Variants in MTIF2 observed in about 807,000 individuals in gnomAD.
MTIF2 encodes mitochondrial translational initiation factor 2.
MTIF2 carries 71 observed loss-of-function variants against 83.5 expected under a neutral mutation model. The ratio of observed to expected loss-of-function variants is 0.85; its 90% CI spans 0.70 to 1.04. The LOEUF (loss-of-function observed/expected upper bound fraction) is 1.04. MTIF2 is among the 50% of genes least tolerant of loss of function. The pLI is 0.00. For synonymous variants in MTIF2, 319 were observed against 287.1 expected (o/e 1.11, Z -1.12); for missense variants, 957 against 846.5 (o/e 1.13, Z -1.62).
intron 11 of MTIF2, 47 bp downstream of exon 11, chr2:55,243,982 A>T: frequency 7.0e-7 from 1 of 1,437,878 alleles, no homozygotes; most frequent in Non-Finnish European, 9.4e-7. Flanking sequence ...ACTGGCATTT[A>T]AAATCATTAT....
chr2:55,247,331 CG>C (rs1269146036), intron 9 of MTIF2, among the ~76,000 whole-genome samples: 3 of 152,152 alleles, frequency 2.0e-5, no homozygotes, highest in Non-Finnish European at 2.9e-5. Context: ...CTGAGACGGG[CG>C]GATCACTTGA....
chr2:55,261,092 T>C (rs2104449983), intron 5 of MTIF2, among the ~76,000 whole-genome samples: 1 of 152,014 alleles, frequency 6.6e-6, no homozygotes, highest in African/African-American at 2.4e-5. Flanking sequence ...GTTCACGCCA[T>C]TCTCCTGCCT....
At position 55,263,683 on chromosome 2, in the gene MTIF2, G is replaced by T. The variant is rs1056445; in HGVS notation, c.176C>A (p.Thr59Asn). The T allele has an allele frequency of 0.76, 1,220,247 of 1,613,574 alleles. 465,813 individuals carry two copies. Among genetic ancestry groups the T allele is most frequent in the Non-Finnish European group, 0.78 (923,539 of 1,179,724 alleles). Residue 59 changes from threonine to asparagine, a missense_variant, in exon 4 of 16, where the codon ACT becomes AAT. By Grantham distance (65) the Thr-to-Asn change is moderately conservative. Around this residue, in one of 3 missense-constraint regions of MTIF2, gnomAD observed 733 missense variants for 648.7 expected, o/e 1.13. Coordinates refer to ENST00000263629, the MANE Select transcript of MTIF2 (RefSeq NM_002453.3). ...CCTATACTGAGATAAAGCAGCCCCA[G>T]TGAGCACATCTGTTGGCCAGGGCCA... The part of the protein sequence containing the change: ...CAWPWPTDVL[T>N]GAALSQYRLL...
In MTIF2 at chr2:55,243,685, C is replaced by T. The variant is rs550666813; in HGVS notation, c.1312-17G>A. 7.6e-5 allele frequency: 122 copies of T among 1,605,664 alleles called. No individual in the cohort carries two copies. The highest frequency in any genetic ancestry group is 5.9e-4 in the African/African-American group (44 of 74,414). On this transcript the variant is annotated splice_polypyrimidine_tract_variant and intron_variant, in intron 11 of 15. Transcript: ENST00000263629. ...TGCCCTTGGCTTTATAGGGGAAAAA[C>T]GTATTATTTAATGAAATAGACATCA... is the stretch of plus-strand genomic sequence containing the variant.
At chr2:55,255,444 AAT>A (rs199595431) in intron 5 of MTIF2, among the ~76,000 whole-genome samples, 12,594 of 146,196 alleles carry the variant, frequency 0.086, 713 homozygotes, top group East Asian at 0.26. Context: ...TATTATGTAT[AAT>A]ATATATATAT....
In MTIF2 at chr2:55,242,837, G is replaced by T. The variant is rs1676424136; in HGVS notation, c.1705+103C>A. 3 of 1,158,592 alleles carry T rather than the reference G, an allele frequency of 2.6e-6. 1 individual carries two copies. In the South Asian group the frequency reaches 4.6e-5, roughly 18 times the overall value. 71.8% of individuals were successfully genotyped at this position (1,158,592 alleles called of 1,614,324 possible). ...TATAGCAGGAAGGGTGATGCTGATA[G>T]CAGTAAATGTCAGGTGTGACAAGCC... On this transcript the variant is annotated intron_variant, in intron 13 of 15. Coordinates refer to ENST00000263629, the MANE Select transcript of MTIF2 (RefSeq NM_002453.3).
intron 9 of MTIF2, among the ~76,000 whole-genome samples, chr2:55,246,979 T>G (rs146325493): frequency 6.6e-6 from 1 of 152,264 alleles, no homozygotes; most frequent in East Asian, 1.9e-4. Flanking sequence ...GAAAAAGCAC[T>G]AACTAGAGAT....
At chr2:55,249,634 T>C (rs184043266) in intron 8 of MTIF2, 100 bp from the exon 9 acceptor site, 84 of 1,418,218 alleles carry the variant, frequency 5.9e-5, no homozygotes, top group Non-Finnish European at 7.8e-5. Context: ...TTTCTCTTTA[T>C]TCAGTGGATG....
chr2:55,263,837 A>T lies in MTIF2; in HGVS notation c.22T>A (p.Leu8Met). MNQKLLK[L>M]ENLLRFHTIY... ...GTGTGAAATCGTAGCAAGTTCTCCA[A>T]CTTCAGTAGCTTCTGGTTCATGTTT... The change falls in exon 4 of 16, where the codon TTG becomes ATG. Residue 8 changes from leucine (L) to methionine (M), a missense_variant. Transcript: ENST00000263629. 1 of 1,613,676 alleles carries T rather than the reference A, an allele frequency of 6.2e-7. No individual in the cohort carries two copies. The highest frequency in any genetic ancestry group is 2.2e-5 in the East Asian group (1 of 44,884).
intron 10 of MTIF2, among the ~76,000 whole-genome samples, chr2:55,245,633 A>T (rs576046120): frequency 6.6e-6 from 1 of 152,332 alleles, no homozygotes; most frequent in East Asian, 1.9e-4. Flanking sequence ...CAGTTTCACA[A>T]GATAAAATAG....
chr2:55,243,139 A>C, intron 12 of MTIF2, 59 bp from the exon 13 acceptor site: 1 of 1,481,524 alleles, frequency 6.7e-7, no homozygotes. Flanking sequence ...AGCAGACATA[A>C]AAATGACAAT....
chr2:55,255,591 T>G (rs1677454035), intron 5 of MTIF2, among the ~76,000 whole-genome samples: 1 of 151,004 alleles, frequency 6.6e-6, no homozygotes, highest in Non-Finnish European at 1.5e-5. Context: ...GCATATTTTC[T>G]CTGTAAGGCA....
At chr2:55,267,300 G>A (rs916507163) in intron 3 of MTIF2, among the ~76,000 whole-genome samples, 1 of 151,936 alleles carries the variant, frequency 6.6e-6, no homozygotes, top group Non-Finnish European at 1.5e-5. Context: ...GGGATTACAG[G>A]TGCCTGCCAG....
chr2:55,252,424 G>T, intron 8 of MTIF2, 53 bp downstream of exon 8: 1 of 1,502,894 alleles, frequency 6.7e-7, no homozygotes, highest in Non-Finnish European at 9.2e-7. Context: ...TATGTAAATG[G>T]CCCCAGAACT....
intron 4 of MTIF2, 137 bp downstream of exon 4, chr2:55,263,503 A>T (rs1678190937): frequency 1.6e-6 from 1 of 631,204 alleles, no homozygotes; most frequent in African/African-American, 1.8e-5. Flanking sequence ...CCAGCTACTC[A>T]GGAGGCTGAG....
rs942024599 is a variant in MTIF2, at chr2:55,263,578, C to G, written c.219+62G>C. ...TGAGCTGAGATCGCGCCACGGCACTCCAGCCGGGGTGACAGGGTGAGACTC... is the reference window on the plus strand; with the variant it reads ...TGAGCTGAGATCGCGCCACGGCACTGCAGCCGGGGTGACAGGGTGAGACTC... On this transcript the variant is annotated intron_variant, in intron 4 of 15. Coordinates refer to ENST00000263629, the MANE Select transcript of MTIF2 (RefSeq NM_002453.3). 3 of 1,359,632 alleles carry G rather than the reference C, an allele frequency of 2.2e-6. No homozygotes were observed. In the African/African-American group the frequency reaches 4.4e-5, roughly 20 times the overall value. 84.2% of individuals were successfully genotyped at this position (1,359,632 alleles called of 1,614,324 possible).
chr2:55,252,288 C>T (rs1176892567), intron 8 of MTIF2, among the ~76,000 whole-genome samples, 189 bp downstream of exon 8: 3 of 152,094 alleles, frequency 2.0e-5, no homozygotes, highest in Non-Finnish European at 1.5e-5. Context: ...GGTCACAACT[C>T]CCAAGTTGAA....
Position 55,267,596 on chromosome 2 carries a change from G to A in MTIF2, c.-35C>T. The A allele has an allele frequency of 6.0e-6, 1 of 166,782 alleles. No homozygotes were observed. The allele number at this position is 166,782 out of a possible 1,614,324, so 10.3% of individuals were successfully genotyped here. A position where few individuals can be genotyped will look rare whatever the true frequency, so the allele number is the denominator to read the frequency against. The stretch of plus-strand genomic sequence containing the variant: ...TGACAGTCAGTGTTATCTGGACTCA[G>A]CAAGTCACTTGTTTCCTATGGGCCT... On this transcript the variant is annotated 5_prime_UTR_variant, in exon 3 of 16. Coordinates refer to ENST00000263629, the MANE Select transcript of MTIF2 (RefSeq NM_002453.3).
chr2:55,243,644 A>G lies in MTIF2; in HGVS notation c.1336T>C (p.Trp446Arg). The G allele has an allele frequency of 1.2e-6, 2 of 1,613,602 alleles. No individual in the cohort carries two copies. The highest frequency in any genetic ancestry group is 1.7e-6 in the Non-Finnish European group (2 of 1,179,912). Residue 446 changes from tryptophan to arginine, a missense_variant, in exon 12 of 16, where the codon TGG becomes CGG. This residue lies in a region of MTIF2 where 733 missense variants were observed against 648.7 expected (regional missense o/e 1.13). Transcript: ENST00000263629. ...SEPRAREVVD[W>R]RKYEQEQEKG... ...TCCTGTTCTTGTTCATATTTCCTCC[A>G]GTCAACAACTTCACGTGCCCTTGGC...
Sources: allele counts gnomAD v4.1 joint callset (sites outside exome capture counted in the v4.1 genomes callset), GRCh38; gene constraint gnomAD v4.1.1; regional missense constraint gnomAD v4.1.1; transcripts MANE v1.5; gene names NCBI Gene and HGNC (gene_info 2026-07-23, HGNC 2026-07-21).